Variants in ASPH observed in about 807,000 individuals in gnomAD.
The protein encoded by ASPH is aspartate beta-hydroxylase.
A neutral mutation model predicts 118.4 loss-of-function variants in ASPH; 100 were observed. The ratio of observed to expected loss-of-function variants is 0.84; its 90% CI spans 0.72 to 1.00. The LOEUF (loss-of-function observed/expected upper bound fraction) is 1.00. Ranked by LOEUF, ASPH falls within the 50% of genes least tolerant of loss-of-function variation. The pLI is 0.00. For synonymous variants in ASPH, 315 were observed against 325.6 expected, an observed-to-expected ratio of 0.97 and a Z score of 0.35; for missense variants, 920 against 919.5, an observed-to-expected ratio of 1.00 and a Z score of -0.01.
intron 3 of ASPH, among the ~76,000 whole-genome samples, chr8:61,670,309 T>G (rs1056755914): frequency 7.2e-5 from 11 of 151,966 alleles, no homozygotes; most frequent in East Asian, 1.9e-4. Flanking sequence ...TTGTTTGTTT[T>G]TTTTTTAAAG....
chr8:61,529,415 C>G (rs1816728758), intron 21 of ASPH, among the ~76,000 whole-genome samples: 2 of 152,148 alleles, frequency 1.3e-5, no homozygotes, highest in Non-Finnish European at 2.9e-5. Flanking sequence ...AGTTCAACAT[C>G]TTTGGCAAAT....
chr8:61,634,904 A>G (rs1344508122), intron 12 of ASPH, among the ~76,000 whole-genome samples: 1 of 152,230 alleles, frequency 6.6e-6, no homozygotes, highest in East Asian at 1.9e-4. Flanking sequence ...ATCTAAATTT[A>G]TTACAAAAAA....
intron 1 of ASPH, among the ~76,000 whole-genome samples, chr8:61,685,274 T>C (rs189937088): frequency 3.9e-5 from 6 of 152,270 alleles, no homozygotes; most frequent in Admixed American, 3.9e-4. Context: ...TCAAGGCTTA[T>C]GACAAAAAAA....
In ASPH at chr8:61,648,622, T is replaced by G. The variant is rs1321634015; in HGVS notation, c.491-1744A>C. 3.3e-5 allele frequency among the ~76,000 whole-genome samples: 5 copies of G among 152,350 alleles called. No individual in the cohort carries two copies. In the East Asian group the frequency reaches 9.7e-4, roughly 29 times the overall value. On this transcript the variant is annotated intron_variant, in intron 5 of 24. Transcript: ENST00000379454. ...GTATGCGGTTGTTCAGTGGAAGTATTCCTGTTTTCTGTAGCGAAACCAGTC... is the reference window on the plus strand; with the variant it reads ...GTATGCGGTTGTTCAGTGGAAGTATGCCTGTTTTCTGTAGCGAAACCAGTC...
chr8:61,577,372 A>T (rs1835566840), intron 15 of ASPH, among the ~76,000 whole-genome samples: 1 of 149,236 alleles, frequency 6.7e-6, no homozygotes, highest in Non-Finnish European at 1.5e-5. Flanking sequence ...CAAAAAAAAA[A>T]GAAAATGGCA....
chr8:61,671,253 A>G (rs1436094118), intron 3 of ASPH, among the ~76,000 whole-genome samples: 2 of 152,202 alleles, frequency 1.3e-5, no homozygotes, highest in African/African-American at 4.8e-5. Flanking sequence ...TGGTTGATGT[A>G]GATTCTCCCT....
At chr8:61,577,280 T>C (rs2132157867) in intron 15 of ASPH, among the ~76,000 whole-genome samples, 1 of 151,340 alleles carries the variant, frequency 6.6e-6, no homozygotes, top group South Asian at 2.1e-4. Context: ...ACTGTATACA[T>C]ATGTAACAAA....
chr8:61,653,287 G>A (rs1281702872), intron 4 of ASPH, among the ~76,000 whole-genome samples: 2 of 152,126 alleles, frequency 1.3e-5, no homozygotes, highest in Admixed American at 6.5e-5. Context: ...CAGTAGTGCT[G>A]GAATTGGAAT....
At chr8:61,666,947 C>T (rs1226762609) in intron 3 of ASPH, among the ~76,000 whole-genome samples, 2 of 152,044 alleles carry the variant, frequency 1.3e-5, no homozygotes, top group African/African-American at 4.8e-5. Flanking sequence ...TTCTCTAGAT[C>T]AAGAAGTAAA....
intron 1 of ASPH, among the ~76,000 whole-genome samples, chr8:61,686,626 G>A (rs1342855639): frequency 3.3e-5 from 5 of 152,034 alleles, no homozygotes; most frequent in African/African-American, 9.7e-5. Flanking sequence ...ATCCATTTGC[G>A]TACAACACTA....
At chr8:61,510,584 CA>C (rs1049667232) in intron 24 of ASPH, among the ~76,000 whole-genome samples, 7 of 152,136 alleles carry the variant, frequency 4.6e-5, no homozygotes, top group African/African-American at 1.7e-4. Flanking sequence ...ATCCATTTTC[CA>C]TATGGGAAAT....
intron 21 of ASPH, among the ~76,000 whole-genome samples, chr8:61,526,497 A>T (rs193217003): frequency 2.0e-5 from 3 of 152,332 alleles, no homozygotes; most frequent in East Asian, 1.9e-4. Flanking sequence ...AAACTGGAAC[A>T]GAAATCACAG....
At chr8:61,575,421 C>A (rs1834810612) in intron 16 of ASPH, among the ~76,000 whole-genome samples, 1 of 152,126 alleles carries the variant, frequency 6.6e-6, no homozygotes. Context: ...TCTCTGTTTT[C>A]TTTTTCCTCT....
chr8:61,620,389 A>C (rs1171345013), intron 13 of ASPH, among the ~76,000 whole-genome samples: 1 of 144,088 alleles, frequency 6.9e-6, no homozygotes, highest in Non-Finnish European at 1.5e-5. Context: ...TTCTTCAAAG[A>C]GAAGTGCCAG....
At chr8:61,559,900 G>A (rs1236011100) in intron 18 of ASPH, among the ~76,000 whole-genome samples, 3 of 149,636 alleles carry the variant, frequency 2.0e-5, no homozygotes, top group Non-Finnish European at 3.0e-5. Flanking sequence ...ATTTAAAGCC[G>A]AGGGAGATGA....
Position 61,603,406 on chromosome 8 carries a change from G to C in ASPH, c.976+15572C>G, listed in dbSNP as rs148014759. On this transcript the variant is annotated intron_variant, in intron 14 of 24. Coordinates refer to ENST00000379454, the MANE Select transcript of ASPH (RefSeq NM_004318.4). ...AAATCAGAACTTCCTGCAGAATCTTGTGAGATATTAATGTCTATTAATGTC... is the reference window on the plus strand; with the variant it reads ...AAATCAGAACTTCCTGCAGAATCTTCTGAGATATTAATGTCTATTAATGTC... 1.7e-4 allele frequency among the ~76,000 whole-genome samples: 26 copies of C among 152,140 alleles called. No homozygotes were observed. The East Asian group carries it at 3.7e-3, about 21-fold the overall frequency.
chr8:61,601,167 T>C (rs911563185), intron 14 of ASPH, among the ~76,000 whole-genome samples: 1 of 151,032 alleles, frequency 6.6e-6, no homozygotes, highest in African/African-American at 2.5e-5. Context: ...TAGCCCTCCA[T>C]CAGTAATTAA....
chr8:61,525,157 A>T (rs1814804933), intron 22 of ASPH, among the ~76,000 whole-genome samples: 1 of 152,176 alleles, frequency 6.6e-6, no homozygotes, highest in Admixed American at 6.5e-5. Flanking sequence ...TGTAAATTAG[A>T]TGCATATTAC....
intron 1 of ASPH, among the ~76,000 whole-genome samples, chr8:61,700,229 G>A (rs143659985): frequency 1.5e-3 from 232 of 152,272 alleles, no homozygotes; most frequent in African/African-American, 5.1e-3. Flanking sequence ...GAATAACCAT[G>A]CCAGTCAATC....
Sources: allele counts gnomAD v4.1 joint callset (sites outside exome capture counted in the v4.1 genomes callset), GRCh38; gene constraint gnomAD v4.1.1; transcripts MANE v1.5; gene names NCBI Gene and HGNC (gene_info 2026-07-23, HGNC 2026-07-21).